Variants in TSGA10 observed in about 807,000 individuals in gnomAD.
TSGA10 encodes testis-specific gene 10 protein.
TSGA10 carries 43 observed loss-of-function variants against 96.6 expected under a neutral mutation model. The ratio of observed to expected loss-of-function variants is 0.44; its 90% confidence interval spans 0.35 to 0.57. The LOEUF is 0.57. Ranked by LOEUF, TSGA10 falls within the 20% of genes least tolerant of loss-of-function variation. The pLI, the probability that TSGA10 is intolerant of heterozygous loss-of-function variation, is 0.01. For synonymous variants in TSGA10, 229 were observed against 269.9 expected (o/e 0.85, Z 1.48); for missense variants, 703 against 834.4 (o/e 0.84, Z 1.94).
At chr2:99,051,126 A>G (rs1035362372) in intron 16 of TSGA10, among the ~76,000 whole-genome samples, 2 of 152,160 alleles carry the variant, frequency 1.3e-5, no homozygotes, top group African/African-American at 4.8e-5. Context: ...ATATATTTTC[A>G]TCATTAAGAG....
At chr2:99,130,152 T>C (rs111411252) in intron 1 of TSGA10, among the ~76,000 whole-genome samples, 10 of 152,220 alleles carry the variant, frequency 6.6e-5, no homozygotes, top group African/African-American at 2.2e-4. Flanking sequence ...TACCCAGTAA[T>C]GGGATTGCTG....
chr2:99,105,489 G>A, intron 8 of TSGA10, 38 bp downstream of exon 8: 1 of 1,613,638 alleles, frequency 6.2e-7, no homozygotes, highest in Non-Finnish European at 8.5e-7. Context: ...CTGAATTTGT[G>A]TTTCACATAT....
At chr2:99,013,158 C>G (rs1400660986) in intron 20 of TSGA10, among the ~76,000 whole-genome samples, 1 of 152,002 alleles carries the variant, frequency 6.6e-6, no homozygotes, top group Admixed American at 6.6e-5. Flanking sequence ...GATGTAGGCA[C>G]TAAATGCTAT....
chr2:99,038,711 G>A (rs1276838005), intron 16 of TSGA10, among the ~76,000 whole-genome samples: 1 of 152,030 alleles, frequency 6.6e-6, no homozygotes, highest in Non-Finnish European at 1.5e-5. Flanking sequence ...AATAGTGGGG[G>A]ACTTCAATAG....
chr2:99,131,936 A>T (rs2093108985), intron 1 of TSGA10, among the ~76,000 whole-genome samples: 1 of 152,114 alleles, frequency 6.6e-6, no homozygotes, highest in African/African-American at 2.4e-5. Context: ...TGATTTGCGT[A>T]TGTTGAACCA....
chr2:99,136,486 C>A (rs1014476821), intron 1 of TSGA10, among the ~76,000 whole-genome samples: 1 of 152,080 alleles, frequency 6.6e-6, no homozygotes, highest in African/African-American at 2.4e-5. Flanking sequence ...TAAGGTAACA[C>A]TGAGAAAGAA....
intron 10 of TSGA10, chr2:99,102,277 G>C: frequency 6.2e-7 from 1 of 1,612,078 alleles, no homozygotes; most frequent in Non-Finnish European, 8.5e-7. Context: ...ATGAAGAAAG[G>C]AGATGTGGAG....
At chr2:99,063,677 G>A (rs1031827394) in intron 16 of TSGA10, among the ~76,000 whole-genome samples, 9 of 151,796 alleles carry the variant, frequency 5.9e-5, no homozygotes, top group South Asian at 2.1e-4. Context: ...AGGGTGGTGC[G>A]CACCTGTAGT....
chr2:99,005,120 T>G (rs1282941044), intron 20 of TSGA10, among the ~76,000 whole-genome samples: 2 of 152,134 alleles, frequency 1.3e-5, no homozygotes, highest in East Asian at 3.8e-4. Context: ...TCTCAATAAA[T>G]TAGGTATTGA....
chr2:99,127,843 A>T (rs1382459149), intron 1 of TSGA10, among the ~76,000 whole-genome samples: 2 of 152,238 alleles, frequency 1.3e-5, no homozygotes, highest in East Asian at 3.8e-4. Flanking sequence ...ATCTATCAAC[A>T]TGACAAATGC....
At position 99,092,331 on chromosome 2, in the gene TSGA10, C is replaced by T. The variant is rs553169404; in HGVS notation, c.612-10934G>A. ...GCTTTAAATGCCTACATCAAAAAGT[C>T]TGAAAGAGCACAAACAGACAATCTA... On this transcript the variant is annotated intron_variant, in intron 10 of 20. Coordinates refer to ENST00000393483, the MANE Select transcript of TSGA10 (RefSeq NM_025244.4). Among the ~76,000 whole-genome samples the T allele has an allele frequency of 9.9e-5, 15 of 152,086 alleles. No homozygotes were observed. The East Asian group carries it at 2.9e-3, about 29-fold the overall frequency.
chr2:99,041,024 G>A (rs1009400766), intron 16 of TSGA10, among the ~76,000 whole-genome samples: 8 of 152,158 alleles, frequency 5.3e-5, no homozygotes, highest in African/African-American at 1.9e-4. Context: ...TCCTTATTTG[G>A]AAATGTTATT....
intron 17 of TSGA10, among the ~76,000 whole-genome samples, chr2:99,024,380 G>A (rs1330278861): frequency 2.6e-5 from 4 of 152,202 alleles, no homozygotes; most frequent in South Asian, 4.1e-4. Context: ...AAGCCACCGC[G>A]TCTGGCCGTA....
intron 1 of TSGA10, chr2:99,150,863 C>A (rs1574780139): frequency 1.4e-6 from 2 of 1,461,262 alleles, no homozygotes; most frequent in East Asian, 2.3e-5. Flanking sequence ...CCAAAGAAAC[C>A]AAAAACTGCC....
chr2:99,024,641 C>A (rs987463289), intron 17 of TSGA10, among the ~76,000 whole-genome samples: 2 of 152,056 alleles, frequency 1.3e-5, no homozygotes, highest in Non-Finnish European at 2.9e-5. Context: ...CCTTTTATTT[C>A]TTTTTCTTGC....
intron 1 of TSGA10, chr2:99,141,153 A>T (rs1268016934): frequency 7.9e-7 from 1 of 1,268,598 alleles, no homozygotes; most frequent in South Asian, 1.3e-5. Flanking sequence ...CGCGACTGTC[A>T]GCTCTCGGCC....
intron 1 of TSGA10, among the ~76,000 whole-genome samples, chr2:99,136,667 C>A (rs1212865650): frequency 2.9e-5 from 2 of 68,982 alleles, no homozygotes; most frequent in South Asian, 1.1e-3. Flanking sequence ...GGCGTAGTGG[C>A]GGGCGCCTGT....
chr2:99,139,417 T>C (rs1158270330), intron 1 of TSGA10, among the ~76,000 whole-genome samples: 1 of 152,234 alleles, frequency 6.6e-6, no homozygotes, highest in Non-Finnish European at 1.5e-5. Flanking sequence ...AAATTATTGA[T>C]TTTTTGATAG....
chr2:99,118,947 CTG>C (rs139437481), intron 2 of TSGA10: 19,821 of 152,004 alleles, frequency 0.13, 1,760 homozygotes, highest in Non-Finnish European at 0.19. Context: ...GTCTAAGATA[CTG>C]TGTTAGTACC....
Sources: gnomAD v4.1 joint callset for allele counts (sites outside exome capture counted in the v4.1 genomes callset) on GRCh38, gnomAD v4.1.1 for gene constraint, MANE v1.5 for transcripts, NCBI Gene and HGNC (gene_info 2026-07-23, HGNC 2026-07-21) for gene names.